Variants in KIRREL3 observed in about 807,000 individuals in gnomAD.
The protein encoded by KIRREL3 is kin of IRRE-like protein 3.
In KIRREL3, 36 loss-of-function variants were observed where a neutral mutation model predicts 89.7. That is an observed-to-expected ratio of 0.40 (90% CI 0.31 to 0.53). The LOEUF (loss-of-function observed/expected upper bound fraction) is 0.53. Ranked by LOEUF, KIRREL3 falls within the 20% of genes least tolerant of loss-of-function variation. The pLI, the probability that KIRREL3 is intolerant of heterozygous loss-of-function variation, is 0.49. For synonymous variants in KIRREL3, 445 were observed against 441.4 expected (o/e 1.01, Z -0.10); for missense variants, 864 against 1,056.6 (o/e 0.82, Z 2.53).
intron 1 of KIRREL3, among the ~76,000 whole-genome samples, chr11:126,937,913 CA>C (rs909316744): frequency 1.1e-4 from 16 of 151,736 alleles, no homozygotes; most frequent in Non-Finnish European, 1.9e-4. Context: ...AACAAAAAAC[CA>C]AAAAAAACCC....
intron 1 of KIRREL3, among the ~76,000 whole-genome samples, chr11:126,804,235 A>G (rs774253284): frequency 6.6e-6 from 1 of 152,202 alleles, no homozygotes; most frequent in Non-Finnish European, 1.5e-5. Context: ...AGGAAATTAC[A>G]GTTTAGGAGT....
chr11:126,760,349 GC>G (rs1270412886), intron 1 of KIRREL3, among the ~76,000 whole-genome samples: 13 of 152,202 alleles, frequency 8.5e-5, no homozygotes, highest in African/African-American at 3.1e-4. Context: ...AGAGAGAGGA[GC>G]CTTCTATGCT....
intron 1 of KIRREL3, among the ~76,000 whole-genome samples, chr11:126,757,826 C>A (rs921713636): frequency 2.0e-5 from 3 of 152,214 alleles, no homozygotes; most frequent in Admixed American, 1.3e-4. Context: ...AGTCAAGGAT[C>A]TCCACCTCTG....
rs553731600 is a variant in KIRREL3, at chr11:126,528,520, G to A, written c.134-1833C>T. Among the ~76,000 whole-genome samples, 2 of 152,186 alleles carry A rather than the reference G, an allele frequency of 1.3e-5. No homozygotes were observed. The highest frequency in any genetic ancestry group is 2.9e-5 in the Non-Finnish European group (2 of 68,034). ...CTGACAAGATCTTGGCAGGGTCTCC[G>A]AGGAGTCTCATTAAAAATCAAATTG... On this transcript the variant is annotated intron_variant, in intron 2 of 16. Transcript: ENST00000525144. This position sits in a 1 kb window ranked among gnomAD's most constrained non-coding sequence, Gnocchi z 4.6.
chr11:126,952,114 G>C (rs557053086), intron 1 of KIRREL3, among the ~76,000 whole-genome samples: 13 of 152,210 alleles, frequency 8.5e-5, no homozygotes, highest in Non-Finnish European at 8.8e-5. Context: ...GGCTGGGCAC[G>C]GTGGCTTACG....
At chr11:126,915,231 A>G (rs1345991663) in intron 1 of KIRREL3, among the ~76,000 whole-genome samples, 2 of 152,206 alleles carry the variant, frequency 1.3e-5, no homozygotes, top group Non-Finnish European at 2.9e-5. Context: ...TGATTCCTTT[A>G]CACTTACATC....
intron 4 of KIRREL3, among the ~76,000 whole-genome samples, chr11:126,504,445 A>G (rs111335413): frequency 1.3e-5 from 2 of 152,318 alleles, no homozygotes; most frequent in African/African-American, 4.8e-5. Context: ...TGACTTCGTC[A>G]CTTCTATGAG....
rs1948507354 is a variant in KIRREL3, at chr11:126,943,053, C to T, written c.55+57402G>A. 6.6e-6 allele frequency among the ~76,000 whole-genome samples: 1 copy of T among 152,180 alleles called. No homozygotes were observed. The highest frequency in any genetic ancestry group is 1.5e-5 in the Non-Finnish European group (1 of 68,032). On this transcript the variant is annotated intron_variant, in intron 1 of 16. Transcript: ENST00000525144. The surrounding 1 kb of genome is among the most constrained non-coding windows in gnomAD (Gnocchi z 4.2). ...CTAAGATATTCCCTCCAATCCCCAC[C>T]CACTGCAGACAAAGTCTCTTGGGAC... is the stretch of plus-strand genomic sequence containing the variant.
chr11:126,570,507 T>C lies in KIRREL3; in HGVS notation c.56-7595A>G, dbSNP rs2134621766. ...TTGTGATAATTCCAAAAACTTGTTG[T>C]GACCCGCCAGCCCATCTCACCAGCT... On this transcript the variant is annotated intron_variant, in intron 1 of 16. Transcript: ENST00000525144. This position sits in a 1 kb window ranked among gnomAD's most constrained non-coding sequence, Gnocchi z 6.1. Among the ~76,000 whole-genome samples the C allele has an allele frequency of 6.6e-6, 1 of 152,346 alleles. No individual in the cohort carries two copies. Among genetic ancestry groups the C allele is most frequent in the South Asian group, 2.1e-4 (1 of 4,830 alleles).
In KIRREL3 at chr11:126,989,768, C is replaced by T. The variant is rs965624533; in HGVS notation, c.55+10687G>A. Among the ~76,000 whole-genome samples the T allele has an allele frequency of 1.6e-4, 25 of 152,172 alleles. No homozygotes were observed. The highest frequency in any genetic ancestry group is 5.8e-4 in the African/African-American group (24 of 41,446). On this transcript the variant is annotated intron_variant, in intron 1 of 16. Coordinates refer to ENST00000525144, the MANE Select transcript of KIRREL3 (RefSeq NM_032531.4). The surrounding 1 kb of genome is among the most constrained non-coding windows in gnomAD (Gnocchi z 6.2). ...CAGGGTTCCCCCGGTGTCTCTCCTG[C>T]AGCATGAAGGCCATTGTTTCCAGGG...
At chr11:126,536,098 T>C (rs542274516) in intron 2 of KIRREL3, among the ~76,000 whole-genome samples, 3 of 152,136 alleles carry the variant, frequency 2.0e-5, no homozygotes, top group African/African-American at 4.8e-5. Flanking sequence ...GGGGACAGAG[T>C]GAGACTCCAT....
At chr11:126,466,094 A>G (rs984794929) in intron 5 of KIRREL3, among the ~76,000 whole-genome samples, 1 of 152,130 alleles carries the variant, frequency 6.6e-6, no homozygotes, top group Non-Finnish European at 1.5e-5. Flanking sequence ...GAGGGGACCC[A>G]GCTCTAATTA....
chr11:126,899,009 T>TTG (rs1555079800), intron 1 of KIRREL3, among the ~76,000 whole-genome samples: 5 of 149,534 alleles, frequency 3.3e-5, no homozygotes, highest in African/African-American at 5.0e-5. Flanking sequence ...CAGGGGAGTT[T>TTG]GGGGGGGGTC....
In KIRREL3 at chr11:126,807,713, T is replaced by C. The variant is rs1205017252; in HGVS notation, c.55+192742A>G. On this transcript the variant is annotated intron_variant, in intron 1 of 16. Coordinates refer to ENST00000525144, the MANE Select transcript of KIRREL3 (RefSeq NM_032531.4). The surrounding 1 kb of genome is among the most constrained non-coding windows in gnomAD (Gnocchi z 4.3). ...TTTTGAAAAATCGTCCTTTAACCCA[T>C]TTCTAGGAGGCTTCTGAGATTCTTC... is the stretch of plus-strand genomic sequence containing the variant. 6.6e-6 allele frequency among the ~76,000 whole-genome samples: 1 copy of C among 152,182 alleles called. No homozygotes were observed. The highest frequency in any genetic ancestry group is 2.4e-5 in the African/African-American group (1 of 41,444).
At chr11:126,450,390 T>G (rs1956003628) in intron 7 of KIRREL3, among the ~76,000 whole-genome samples, 1 of 149,790 alleles carries the variant, frequency 6.7e-6, no homozygotes, top group South Asian at 2.1e-4. Flanking sequence ...TGTGTGAGTG[T>G]GGGTATGTGT....
At chr11:126,973,981 C>G (rs1591406703) in intron 1 of KIRREL3, among the ~76,000 whole-genome samples, 1 of 152,146 alleles carries the variant, frequency 6.6e-6, no homozygotes, top group Non-Finnish European at 1.5e-5. Context: ...AAGGGCAAGA[C>G]TAGGGCTCAT....
rs188918167 is a variant in KIRREL3 at position 126,569,738 on chromosome 11, G to C, written c.56-6826C>G. Among the ~76,000 whole-genome samples, 11 of 152,330 alleles carry C rather than the reference G, an allele frequency of 7.2e-5. No homozygotes were observed. In the East Asian group the frequency reaches 2.1e-3, roughly 29 times the overall value. Reference sequence around the variant, plus strand: ...AGCTTCAGGCTGTGGGATGGTGAGGGAGGTCCTTGCAAAAGGCCTTGAAAG... The same window carrying C: ...AGCTTCAGGCTGTGGGATGGTGAGGCAGGTCCTTGCAAAAGGCCTTGAAAG... On this transcript the variant is annotated intron_variant, in intron 1 of 16. Transcript: ENST00000525144. The surrounding 1 kb of genome is among the most constrained non-coding windows in gnomAD (Gnocchi z 6.5).
At chr11:126,595,186 G>T (rs532152911) in intron 1 of KIRREL3, among the ~76,000 whole-genome samples, 4 of 152,230 alleles carry the variant, frequency 2.6e-5, no homozygotes, top group Non-Finnish European at 5.9e-5. Context: ...TGTGGAGGGG[G>T]TGGCGGGTGA....
rs773470282 is a variant in KIRREL3 at position 126,541,056 on chromosome 11, C to T, written c.134-14369G>A. On this transcript the variant is annotated intron_variant, in intron 2 of 16. Transcript: ENST00000525144. This position sits in a 1 kb window ranked among gnomAD's most constrained non-coding sequence, Gnocchi z 4.8. ...CTGCAGGCTCGGCTATGGGCAGGCT[C>T]GGCTACAGCAGACAGAGTGCCCATC... Among the ~76,000 whole-genome samples the T allele has an allele frequency of 2.6e-5, 4 of 152,182 alleles. No homozygotes were observed. Among genetic ancestry groups the T allele is most frequent in the Middle Eastern group, 3.2e-3 (1 of 316 alleles).
Sources: allele counts gnomAD v4.1 joint callset (sites outside exome capture counted in the v4.1 genomes callset), GRCh38; gene constraint gnomAD v4.1.1; non-coding constraint Gnocchi (gnomAD v3.1); transcripts MANE v1.5; gene names NCBI Gene and HGNC (gene_info 2026-07-23, HGNC 2026-07-21).